The following CLDN10 variants were observed in gnomAD, a reference collection of about 807,000 sequenced individuals.
CLDN10 encodes claudin-10.
In CLDN10, 15 loss-of-function variants were observed where a neutral mutation model predicts 22.9. The ratio of observed to expected loss-of-function variants is 0.65; its 90% CI spans 0.44 to 1.01. The LOEUF (loss-of-function observed/expected upper bound fraction) is 1.01. Among genes scored for constraint, CLDN10 ranks in the 50% least tolerant of loss-of-function variants. The pLI, the probability that CLDN10 is intolerant of heterozygous loss-of-function variation, is 0.00. For synonymous variants in CLDN10, 114 were observed against 111.4 expected (o/e 1.02, Z -0.15); for missense variants, 247 against 287.8 (o/e 0.86, Z 1.03).
At chr13:95,560,567 C>T in intron 3 of CLDN10, 104 bp downstream of exon 3, 2 of 857,522 alleles carry the variant, frequency 2.3e-6, no homozygotes, top group Non-Finnish European at 3.7e-6. Context: ...GAAAGTAAGA[C>T]ATACTGATAA....
intron 1 of CLDN10, chr13:95,497,234 CTT>C (rs2042939245): frequency 6.6e-6 from 1 of 151,946 alleles, no homozygotes; most frequent in Admixed American, 6.6e-5. Flanking sequence ...GTGAATGAAA[CTT>C]ATTATGTGGC....
At chr13:95,525,754 A>C (rs899095616) in intron 1 of CLDN10, among the ~76,000 whole-genome samples, 3 of 152,152 alleles carry the variant, frequency 2.0e-5, no homozygotes, top group Admixed American at 6.5e-5. Flanking sequence ...AGCCTCCCAG[A>C]GTGCTGGGAT....
intron 1 of CLDN10, among the ~76,000 whole-genome samples, chr13:95,553,346 G>T (rs2043591586): frequency 6.6e-6 from 1 of 152,112 alleles, no homozygotes; most frequent in African/African-American, 2.4e-5. Flanking sequence ...TGCTGCAGGG[G>T]CTTGTCTCCT....
chr13:95,458,730 C>T (rs2042506943), intron 1 of CLDN10, among the ~76,000 whole-genome samples: 1 of 152,112 alleles, frequency 6.6e-6, no homozygotes, highest in Non-Finnish European at 1.5e-5. Context: ...ACAGCCAAAC[C>T]ACATCATTCT....
At chr13:95,561,766 T>G (rs2043715845) in intron 3 of CLDN10, among the ~76,000 whole-genome samples, 1 of 142,802 alleles carries the variant, frequency 7.0e-6, no homozygotes. Flanking sequence ...CTTTCGTCCT[T>G]TTTTTTTTTT....
chr13:95,541,205 G>A (rs1054552128), intron 1 of CLDN10, among the ~76,000 whole-genome samples: 5 of 152,204 alleles, frequency 3.3e-5, no homozygotes, highest in East Asian at 1.9e-4. Flanking sequence ...AACGGAACTC[G>A]TCTGCCTTTC....
intron 3 of CLDN10, among the ~76,000 whole-genome samples, chr13:95,572,729 C>T (rs1387592660): frequency 6.6e-6 from 1 of 152,164 alleles, no homozygotes; most frequent in Non-Finnish European, 1.5e-5. Flanking sequence ...GTCTGACTAT[C>T]CCCACTAGAC....
chr13:95,454,310 G>A (rs1490351383), intron 1 of CLDN10, among the ~76,000 whole-genome samples: 7 of 152,096 alleles, frequency 4.6e-5, no homozygotes, highest in Admixed American at 4.6e-4. Context: ...GTGTAGTAGT[G>A]CATGCCTGTA....
chr13:95,490,170 C>T lies in CLDN10; in HGVS notation c.214+56123C>T, dbSNP rs550031107. Among the ~76,000 whole-genome samples the T allele has an allele frequency of 3.3e-5, 5 of 152,190 alleles. No homozygotes were observed. The South Asian group carries it at 1.0e-3, about 32-fold the overall frequency. ...GTAGTGTGATGCCTCTGGATTTGTT[C>T]TTTTTGCTTAGTCCTGGTTTGGCTA... On this transcript the variant is annotated intron_variant, in intron 1 of 4. Transcript: ENST00000376873.
chr13:95,447,653 T>C (rs1267649173), intron 1 of CLDN10, among the ~76,000 whole-genome samples: 1 of 152,110 alleles, frequency 6.6e-6, no homozygotes, highest in Non-Finnish European at 1.5e-5. Context: ...GGACTTGCTT[T>C]CTCTCACCCC....
intron 1 of CLDN10, among the ~76,000 whole-genome samples, chr13:95,502,912 G>A (rs1227526282): frequency 1.3e-5 from 2 of 151,398 alleles, no homozygotes; most frequent in African/African-American, 4.9e-5. Flanking sequence ...TCCTGTTTCT[G>A]GAGCATCTAT....
chr13:95,512,111 A>T (rs1187402180), intron 1 of CLDN10, among the ~76,000 whole-genome samples: 5 of 65,824 alleles, frequency 7.6e-5, no homozygotes, highest in Non-Finnish European at 1.0e-4. Flanking sequence ...TCAGACAAAG[A>T]TCGTCTCTCC....
upstream of CLDN10, chr13:95,552,692 G>A: frequency 6.6e-7 from 1 of 1,521,028 alleles, no homozygotes; most frequent in Non-Finnish European, 8.8e-7. Context: ...CCCGGGGTTG[G>A]GAGTGCGGGG....
chr13:95,567,397 T>C (rs909327702), intron 3 of CLDN10, among the ~76,000 whole-genome samples: 16 of 152,228 alleles, frequency 1.1e-4, no homozygotes, highest in African/African-American at 3.6e-4. Flanking sequence ...TGAATGGGAG[T>C]TCACTCATGA....
intron 1 of CLDN10, among the ~76,000 whole-genome samples, chr13:95,529,674 T>G (rs2043320295): frequency 1.3e-5 from 2 of 152,122 alleles, no homozygotes; most frequent in Non-Finnish European, 2.9e-5. Flanking sequence ...ACACTGATAA[T>G]CTCTTTTCTT....
At chr13:95,483,660 A>C (rs938057116) in intron 1 of CLDN10, among the ~76,000 whole-genome samples, 2 of 152,162 alleles carry the variant, frequency 1.3e-5, no homozygotes, top group Non-Finnish European at 2.9e-5. Context: ...GCTACAACCC[A>C]AGGCTGACAG....
intron 1 of CLDN10, among the ~76,000 whole-genome samples, chr13:95,436,393 T>C (rs1215652357): frequency 1.3e-5 from 2 of 152,136 alleles, no homozygotes; most frequent in African/African-American, 2.4e-5. Context: ...CTATGTTACC[T>C]AGGCTAGTGT....
intron 1 of CLDN10, among the ~76,000 whole-genome samples, chr13:95,468,968 T>A (rs2042604711): frequency 6.6e-6 from 1 of 152,182 alleles, no homozygotes. Flanking sequence ...AATGAAATAA[T>A]GTAATTTATT....
chr13:95,485,903 A>T (rs950526448), intron 1 of CLDN10, among the ~76,000 whole-genome samples: 8 of 152,198 alleles, frequency 5.3e-5, no homozygotes, highest in African/African-American at 1.9e-4. Flanking sequence ...TGTGCTGGAA[A>T]CAACATTCTG....
Sources: gnomAD v4.1 joint callset for allele counts (sites outside exome capture counted in the v4.1 genomes callset) on GRCh38, gnomAD v4.1.1 for gene constraint, MANE v1.5 for transcripts, NCBI Gene and HGNC (gene_info 2026-07-23, HGNC 2026-07-21) for gene names.